The following SYNRG variants were observed in gnomAD, a reference collection of about 807,000 sequenced individuals.
SYNRG encodes AP1 gamma subunit binding protein 1.
A neutral mutation model predicts 130.9 loss-of-function variants in SYNRG; 37 were observed. That is an observed-to-expected ratio of 0.28 (90% confidence interval 0.22 to 0.37). The LOEUF (loss-of-function observed/expected upper bound fraction) is 0.37. Ranked by LOEUF, SYNRG falls within the 10% of genes least tolerant of loss-of-function variation. The pLI, the probability that SYNRG is intolerant of heterozygous loss-of-function variation, is 1.00. For missense variants in SYNRG, 1,338 were observed against 1,588.9 expected (o/e 0.84, Z 2.68); for synonymous variants, 539 against 568.1 (o/e 0.95, Z 0.73).
chr17:37,515,164 A>G lies in SYNRG; in HGVS notation c.*3776T>C, dbSNP rs987275426. ...TCATTATAATGCTATTTTGTTAGAA[A>G]AGTATTTGTAAAGTGGCATTTTTCC... On this transcript the variant is annotated 3_prime_UTR_variant, in exon 22 of 22. Coordinates refer to ENST00000612223, the MANE Select transcript of SYNRG (RefSeq NM_007247.6). 1 of 152,230 alleles carries G rather than the reference A, an allele frequency of 6.6e-6. No individual in the cohort carries two copies. Among genetic ancestry groups the G allele is most frequent in the African/African-American group, 2.4e-5 (1 of 41,462 alleles). The allele number at this position is 152,230 out of a possible 1,614,324, so 9.4% of individuals were successfully genotyped here. A position where few individuals can be genotyped will look rare whatever the true frequency, so the allele number is the denominator to read the frequency against.
At chr17:37,606,885 T>C (rs955588504) in intron 1 of SYNRG, among the ~76,000 whole-genome samples, 1 of 151,952 alleles carries the variant, frequency 6.6e-6, no homozygotes. Flanking sequence ...AAGTTGCCTG[T>C]TTTTTTTCTT....
intron 14 of SYNRG, among the ~76,000 whole-genome samples, chr17:37,548,145 T>C (rs1201882761): frequency 6.6e-6 from 1 of 152,174 alleles, no homozygotes; most frequent in Non-Finnish European, 1.5e-5. Context: ...CATGGACCAA[T>C]CTAGCATTAC....
At chr17:37,547,393 C>A (rs1244336193) in intron 14 of SYNRG, among the ~76,000 whole-genome samples, 2 of 151,506 alleles carry the variant, frequency 1.3e-5, no homozygotes, top group African/African-American at 2.4e-5. Context: ...CCTTTTGGTT[C>A]TTTGCATTAT....
In SYNRG at chr17:37,542,178, C is replaced by G; in HGVS notation, c.2996G>C (p.Ser999Thr). 6.2e-7 allele frequency: 1 copy of G among 1,614,216 alleles called. No homozygotes were observed. Among genetic ancestry groups the G allele is most frequent in the Non-Finnish European group, 8.5e-7 (1 of 1,180,042 alleles). ...TKQDLPTAER[S>T]QEATCPSPAS... ...TGGGCTGGGACACGTGGCCTCCTGG[C>G]TCCGTTCAGCCGTAGGCAGGTCCTG... Residue 999 changes from serine to threonine, a missense_variant, in exon 15 of 22, where the codon AGC (serine) becomes ACC (threonine). Physicochemically the swap from Ser to Thr is moderately conservative, Grantham distance 58. Transcript: ENST00000612223.
At chr17:37,521,892 G>A (rs1466891974) in intron 19 of SYNRG, among the ~76,000 whole-genome samples, 1 of 152,076 alleles carries the variant, frequency 6.6e-6, no homozygotes, top group Non-Finnish European at 1.5e-5. Context: ...CGTGAGAGAA[G>A]GACCAGGTTT....
In SYNRG at chr17:37,539,177, A is replaced by T. The variant is rs1223614026; in HGVS notation, c.3420+15T>A. On this transcript the variant is annotated intron_variant, in intron 17 of 21. Coordinates refer to ENST00000612223, the MANE Select transcript of SYNRG (RefSeq NM_007247.6). ...AGCACTCACATATGTGTGAACGCGTAAGTGACATACTCACATTCAGGGCAC... is the reference window on the plus strand; with the variant it reads ...AGCACTCACATATGTGTGAACGCGTTAGTGACATACTCACATTCAGGGCAC... 4.3e-6 allele frequency: 7 copies of T among 1,613,774 alleles called. No individual in the cohort carries two copies. The highest frequency in any genetic ancestry group is 5.9e-6 in the Non-Finnish European group (7 of 1,179,962).
rs189349000 is a variant in SYNRG at position 37,586,662 on chromosome 17, A to G, written c.241-113T>C. ...AATACTCTTATTTGTAAAAAATAGAAATATATTGGATTAAAAGATGCAAAG... is the reference window on the plus strand; with the variant it reads ...AATACTCTTATTTGTAAAAAATAGAGATATATTGGATTAAAAGATGCAAAG... On this transcript the variant is annotated intron_variant, in intron 3 of 21. Transcript: ENST00000612223. The G allele has an allele frequency of 5.8e-4, 704 of 1,215,558 alleles. 6 individuals carry two copies. Among genetic ancestry groups the G allele is most frequent in the Non-Finnish European group, 9.6e-5 (84 of 877,566 alleles). The allele number at this position is 1,215,558 out of a possible 1,614,324, so 75.3% of individuals were successfully genotyped here. A position where few individuals can be genotyped will look rare whatever the true frequency, so the allele number is the denominator to read the frequency against.
At chr17:37,525,066 T>C (rs1295093454) in intron 19 of SYNRG, among the ~76,000 whole-genome samples, 1 of 152,210 alleles carries the variant, frequency 6.6e-6, no homozygotes, top group Non-Finnish European at 1.5e-5. Flanking sequence ...GTGATCAAAT[T>C]ACTCTTTCAG....
chr17:37,606,753 G>C (rs1031786276), intron 1 of SYNRG, among the ~76,000 whole-genome samples: 3 of 152,048 alleles, frequency 2.0e-5, no homozygotes, highest in African/African-American at 7.3e-5. Context: ...CCAATCAAAA[G>C]TAGGGTAATA....
chr17:37,593,558 G>T lies in SYNRG; in HGVS notation c.240+2665C>A, dbSNP rs529702244. ...GGGCTATTGAGTTTCGGGGTGGGGG[G>T]AAATAAAATCTGGATGTTTTTCTCC... On this transcript the variant is annotated intron_variant, in intron 3 of 21. Coordinates refer to ENST00000612223, the MANE Select transcript of SYNRG (RefSeq NM_007247.6). Among the ~76,000 whole-genome samples the T allele has an allele frequency of 7.2e-5, 11 of 152,186 alleles. No individual in the cohort carries two copies. The South Asian group carries it at 2.3e-3, about 32-fold the overall frequency.
intron 14 of SYNRG, among the ~76,000 whole-genome samples, chr17:37,547,637 A>T (rs2058387158): frequency 6.6e-6 from 1 of 151,924 alleles, no homozygotes; most frequent in Non-Finnish European, 1.5e-5. Flanking sequence ...TAATTTTTGT[A>T]TTTTTAGTAG....
chr17:37,571,824 A>T lies in SYNRG; in HGVS notation c.1065T>A (p.Leu355=). 1 of 1,614,140 alleles carries T rather than the reference A, an allele frequency of 6.2e-7. No individual in the cohort carries two copies. Among genetic ancestry groups the T allele is most frequent in the Non-Finnish European group, 8.5e-7 (1 of 1,180,026 alleles). The part of the protein sequence containing the change: ...TTPGKLTKEE[L]YTVLAMIAVT... ...CCGCTATCATGGCTAGAACGGTATA[A>T]AGTTCTTCTTTTGTAAGTTTGCCAG... Residue 355 remains leucine (L), a synonymous_variant, in exon 9 of 22, where the codon CTT becomes CTA. Transcript: ENST00000612223.
intron 19 of SYNRG, among the ~76,000 whole-genome samples, chr17:37,530,744 C>T (rs972230502): frequency 2.0e-5 from 3 of 152,172 alleles, no homozygotes; most frequent in Non-Finnish European, 4.4e-5. Context: ...TAGTAAACTA[C>T]CCCCATTCCT....
At chr17:37,583,974 G>T (rs1209457665) in intron 6 of SYNRG, among the ~76,000 whole-genome samples, 1 of 152,152 alleles carries the variant, frequency 6.6e-6, no homozygotes, top group Admixed American at 6.5e-5. Context: ...GGGATTACAG[G>T]CATGAGCCAT....
At chr17:37,526,530 T>C (rs1323601638) in intron 19 of SYNRG, among the ~76,000 whole-genome samples, 4 of 152,212 alleles carry the variant, frequency 2.6e-5, no homozygotes, top group Admixed American at 1.3e-4. Context: ...TAAAACAACA[T>C]AAATGTATCC....
chr17:37,551,864 G>A (rs1386153877), intron 14 of SYNRG, among the ~76,000 whole-genome samples: 2 of 137,742 alleles, frequency 1.5e-5, no homozygotes, highest in African/African-American at 3.0e-5. Flanking sequence ...GAAAATTTCT[G>A]AGGAAAAGTA....
chr17:37,580,504 TGTGTGTGA>T (rs1225206703), intron 6 of SYNRG, among the ~76,000 whole-genome samples: 1 of 116,330 alleles, frequency 8.6e-6, no homozygotes, highest in Non-Finnish European at 1.8e-5. Context: ...TGTGTGTGTG[TGTGTGTGA>T]GAGAGAGAGA....
In SYNRG at chr17:37,549,674, T is replaced by C. The variant is rs561600778; in HGVS notation, c.2608+3441A>G. 5.9e-5 allele frequency among the ~76,000 whole-genome samples: 9 copies of C among 152,298 alleles called. No individual in the cohort carries two copies. The East Asian group carries it at 1.7e-3, about 29-fold the overall frequency. ...GATGTGATCACAGCTCACTGCAGCC[T>C]CTACCTCCCAGGATCAACTGATCCT... On this transcript the variant is annotated intron_variant, in intron 14 of 21. Coordinates refer to ENST00000612223, the MANE Select transcript of SYNRG (RefSeq NM_007247.6).
At chr17:37,600,220 T>A in intron 2 of SYNRG, 143 bp downstream of exon 2, 1 of 642,824 alleles carries the variant, frequency 1.6e-6, no homozygotes, top group South Asian at 2.2e-5. Context: ...GTAGCTGTCA[T>A]ATAGGACATA....
Sources: gnomAD v4.1 joint callset for allele counts (sites outside exome capture counted in the v4.1 genomes callset) on GRCh38, gnomAD v4.1.1 for gene constraint, MANE v1.5 for transcripts, NCBI Gene and HGNC (gene_info 2026-07-23, HGNC 2026-07-21) for gene names.